MIS18A: variants seen among roughly 807,000 people sequenced by gnomAD.
The protein encoded by MIS18A is MIS18 kinetochore protein A, also known as protein Mis18-alpha.
A neutral mutation model predicts 25.0 loss-of-function variants in MIS18A; 14 were observed. The observed-to-expected ratio is 0.56, with a 90% CI of 0.37 to 0.88. The LOEUF is 0.88. Among genes scored for constraint, MIS18A ranks in the 40% least tolerant of loss-of-function variants. MIS18A has a pLI of 0.00. For synonymous variants in MIS18A, 134 were observed against 118.6 expected, an observed-to-expected ratio of 1.13 and a Z score of -0.84; for missense variants, 292 against 290.8, an observed-to-expected ratio of 1.00 and a Z score of -0.03.
chr21:32,165,007 G>A, the MIS18A span, among the ~76,000 whole-genome samples: 2 of 152,148 alleles, frequency 1.3e-5, no homozygotes, highest in Non-Finnish European at 2.9e-5. Context: ...ACACAGAACT[G>A]TCCTATGCCA....
chr21:32,208,414 C>G, the MIS18A span, among the ~76,000 whole-genome samples: 8 of 152,078 alleles, frequency 5.3e-5, no homozygotes, highest in Admixed American at 3.3e-4. Flanking sequence ...AGACCTCCCC[C>G]CTCTCTTGCC....
At chr21:32,177,686 C>T in the MIS18A span, among the ~76,000 whole-genome samples, 4,779 of 151,942 alleles carry the variant, frequency 0.031, 233 homozygotes, top group African/African-American at 0.11. Flanking sequence ...TACAATAGCA[C>T]GGAAAATCAG....
the MIS18A span, among the ~76,000 whole-genome samples, chr21:32,242,039 C>T: frequency 1.3e-5 from 2 of 152,196 alleles, no homozygotes; most frequent in East Asian, 1.9e-4. Flanking sequence ...CCACCACGCC[C>T]GGCTATATTT....
At chr21:32,173,956 T>TA in the MIS18A span, among the ~76,000 whole-genome samples, 4 of 19,476 alleles carry the variant, frequency 2.1e-4, no homozygotes, top group African/African-American at 2.9e-3. Flanking sequence ...ACTTTTTAAG[T>TA]TTTTTTTTTT....
At chr21:32,235,596 C>A in the MIS18A span, among the ~76,000 whole-genome samples, 1 of 152,158 alleles carries the variant, frequency 6.6e-6, no homozygotes, top group African/African-American at 2.4e-5. Flanking sequence ...AGGAAAAATA[C>A]GAACAAATGG....
the MIS18A span, among the ~76,000 whole-genome samples, chr21:32,188,057 G>A: frequency 6.6e-6 from 1 of 151,840 alleles, no homozygotes; most frequent in Non-Finnish European, 1.5e-5. Context: ...CGAAGACACA[G>A]CAAGAAGGTG....
chr21:32,186,578 T>C, the MIS18A span, among the ~76,000 whole-genome samples: 1 of 152,216 alleles, frequency 6.6e-6, no homozygotes, highest in Non-Finnish European at 1.5e-5. Context: ...AGTTTATGCT[T>C]CAGTTGCAGA....
At chr21:32,182,840 T>C in the MIS18A span, among the ~76,000 whole-genome samples, 3 of 152,158 alleles carry the variant, frequency 2.0e-5, no homozygotes, top group African/African-American at 7.2e-5. Flanking sequence ...ATTATTCTGT[T>C]CTAGCAAAGG....
At chr21:32,195,069 A>G in the MIS18A span, among the ~76,000 whole-genome samples, 1 of 152,224 alleles carries the variant, frequency 6.6e-6, no homozygotes, top group East Asian at 1.9e-4. Context: ...AAAATAAAAT[A>G]ATAAAATTCA....
At chr21:32,201,682 A>G in the MIS18A span, among the ~76,000 whole-genome samples, 1 of 152,062 alleles carries the variant, frequency 6.6e-6, no homozygotes, top group African/African-American at 2.4e-5. Context: ...TTACCCTGGC[A>G]TGCACCTGTA....
At chr21:32,273,304 T>C (rs781125523) in intron 2 of MIS18A, among the ~76,000 whole-genome samples, 4 of 152,064 alleles carry the variant, frequency 2.6e-5, no homozygotes, top group African/African-American at 9.6e-5. Flanking sequence ...AATTACACCA[T>C]TGCTGATAAT....
the MIS18A span, among the ~76,000 whole-genome samples, chr21:32,191,022 T>C: frequency 0.55 from 83,003 of 152,050 alleles, 25,149 homozygotes; most frequent in African/African-American, 0.83. Flanking sequence ...AGGAACCAGG[T>C]GGATTATATT....
At chr21:32,224,953 A>G in the MIS18A span, among the ~76,000 whole-genome samples, 1 of 128,054 alleles carries the variant, frequency 7.8e-6, no homozygotes, top group Non-Finnish European at 1.6e-5. Flanking sequence ...GGAACAGAAC[A>G]GAGCCCTCAG....
chr21:32,222,934 C>CAAAAAAA, the MIS18A span, among the ~76,000 whole-genome samples: 2 of 65,902 alleles, frequency 3.0e-5, no homozygotes, highest in African/African-American at 4.8e-5. Flanking sequence ...GACTCCGTCT[C>CAAAAAAA]AAAAAAAAAA....
the MIS18A span, among the ~76,000 whole-genome samples, chr21:32,239,413 T>A: frequency 6.6e-6 from 1 of 152,132 alleles, no homozygotes; most frequent in Non-Finnish European, 1.5e-5. Context: ...GACTAAAAAT[T>A]CCTCGGAACC....
the MIS18A span, among the ~76,000 whole-genome samples, chr21:32,233,633 T>C: frequency 0.047 from 7,212 of 152,268 alleles, 564 homozygotes; most frequent in African/African-American, 0.16. Flanking sequence ...TATGCTACCA[T>C]TGTGGGCATA....
At chr21:32,213,305 G>C in the MIS18A span, among the ~76,000 whole-genome samples, 14 of 151,984 alleles carry the variant, frequency 9.2e-5, no homozygotes, top group Non-Finnish European at 1.6e-4. Flanking sequence ...ACAACACATA[G>C]ATAGACAAAA....
Position 32,268,938 on chromosome 21 carries a change from T to C in MIS18A, c.*99A>G. On this transcript the variant is annotated 3_prime_UTR_variant, in exon 5 of 5. Coordinates refer to ENST00000290130, the MANE Select transcript of MIS18A (RefSeq NM_018944.3). ...TTCGCATGCCTGGCTAATTTTTTTT[T>C]TCTTTTTTTTTTTGTAGAGACGACG... is the stretch of plus-strand genomic sequence containing the variant. 2 of 951,494 alleles carry C rather than the reference T, an allele frequency of 2.1e-6. No homozygotes were observed. Among genetic ancestry groups the C allele is most frequent in the Non-Finnish European group, 3.1e-6 (2 of 640,048 alleles). 58.9% of individuals were successfully genotyped at this position (951,494 alleles called of 1,614,324 possible). A position where few individuals can be genotyped will look rare whatever the true frequency, so the allele number is the denominator to read the frequency against.
chr21:32,253,114 C>A, the MIS18A span, among the ~76,000 whole-genome samples: 1 of 152,148 alleles, frequency 6.6e-6, no homozygotes, highest in Non-Finnish European at 1.5e-5. Flanking sequence ...GGGTGGGATG[C>A]GCTTTAGGGG....
Sources: gnomAD v4.1 joint callset for allele counts (sites outside exome capture counted in the v4.1 genomes callset) on GRCh38, gnomAD v4.1.1 for gene constraint, MANE v1.5 for transcripts, NCBI Gene and HGNC (gene_info 2026-07-23, HGNC 2026-07-21) for gene names.